CTSS: variants seen among roughly 807,000 people sequenced by gnomAD.
CTSS encodes cathepsin S.
CTSS carries 15 observed loss-of-function variants against 39.9 expected under a neutral mutation model. The ratio of observed to expected loss-of-function variants is 0.38; its 90% CI spans 0.25 to 0.58. CTSS has a LOEUF of 0.58. CTSS is among the 20% of genes least tolerant of loss of function. The probability of loss-of-function intolerance (pLI) is 0.70; values close to 1 mark genes in which losing one functional copy is unlikely to be tolerated. For missense variants in CTSS, 250 were observed against 398.2 expected, an observed-to-expected ratio of 0.63 and a Z score of 3.17; for synonymous variants, 126 against 138.2, an observed-to-expected ratio of 0.91 and a Z score of 0.62.
chr1:150,748,801 T>TA (rs1652946651), intron 6 of CTSS, among the ~76,000 whole-genome samples: 1 of 152,226 alleles, frequency 6.6e-6, no homozygotes, highest in South Asian at 2.1e-4. Flanking sequence ...ATTCAGCAAG[T>TA]CTATTGGTAC....
chr1:150,755,071 T>C lies in CTSS; in HGVS notation c.329A>G (p.Asn110Ser). Residue 110 changes from asparagine (N) to serine (S), a missense_variant, in exon 4 of 8, where the codon AAC becomes AGC. Physicochemically the swap from Asn to Ser is conservative, Grantham distance 46 (BLOSUM62 1). Coordinates refer to ENST00000368985, the MANE Select transcript of CTSS (RefSeq NM_004079.5). ...QWQRNITYKS[N>S]PNRILPDSVD... Reference sequence around the variant, plus strand: ...AGAATCAGGCAATATCCGATTAGGGTTTGACTTATATGTGATATTTCTCTG... The same window carrying C: ...AGAATCAGGCAATATCCGATTAGGGCTTGACTTATATGTGATATTTCTCTG... 6.2e-7 allele frequency: 1 copy of C among 1,614,118 alleles called. No individual in the cohort carries two copies.
rs202210804 is a variant in CTSS at position 150,760,241 on chromosome 1, A to C, written c.127-2261T>G. ...GGTGTGGGTGAGGGTGAAATTCATC[A>C]CCACCAACGAAACCGTATGATCATT... is the stretch of plus-strand genomic sequence containing the variant. On this transcript the variant is annotated intron_variant, in intron 2 of 7. Coordinates refer to ENST00000368985, the MANE Select transcript of CTSS (RefSeq NM_004079.5). 1.4e-4 allele frequency among the ~76,000 whole-genome samples: 21 copies of C among 152,320 alleles called. No homozygotes were observed. The East Asian group carries it at 4.0e-3, about 29-fold the overall frequency.
At chr1:150,749,923 A>G (rs1652975469) in intron 6 of CTSS, 83 bp downstream of exon 6, 2 of 1,233,334 alleles carry the variant, frequency 1.6e-6, no homozygotes, top group East Asian at 2.6e-5. Flanking sequence ...CAAAGCTAGA[A>G]TTACAGGCAT....
At chr1:150,737,298 C>T (rs1652656837) in intron 7 of CTSS, among the ~76,000 whole-genome samples, 1 of 152,114 alleles carries the variant, frequency 6.6e-6, no homozygotes, top group Admixed American at 6.6e-5. Flanking sequence ...GATGGAGTGT[C>T]TCCATGTTGG....
At chr1:150,759,363 C>T (rs772814953) in intron 2 of CTSS, among the ~76,000 whole-genome samples, 20 of 152,084 alleles carry the variant, frequency 1.3e-4, no homozygotes, top group Non-Finnish European at 2.2e-4. Context: ...TTCAGAAACT[C>T]CTATCCGAAG....
chr1:150,751,524 A>G (rs1653006722), intron 5 of CTSS, among the ~76,000 whole-genome samples: 1 of 152,210 alleles, frequency 6.6e-6, no homozygotes, highest in Non-Finnish European at 1.5e-5. Context: ...CTGAGATTAT[A>G]GGTATGAGCC....
intron 7 of CTSS, among the ~76,000 whole-genome samples, chr1:150,739,662 TCAACAA>T (rs10556231): frequency 8.6e-4 from 129 of 149,346 alleles, no homozygotes; most frequent in South Asian, 1.9e-3. Context: ...GAGACCTGTC[TCAACAA>T]CAACAACAAC....
At chr1:150,754,617 G>A (rs867078191) in intron 4 of CTSS, among the ~76,000 whole-genome samples, 5 of 152,102 alleles carry the variant, frequency 3.3e-5, no homozygotes, top group Middle Eastern at 3.4e-3. Context: ...TAGTAGAGAC[G>A]GGGTTTCATC....
intron 7 of CTSS, among the ~76,000 whole-genome samples, chr1:150,740,278 A>G (rs938460648): frequency 3.9e-5 from 6 of 152,234 alleles, no homozygotes; most frequent in African/African-American, 1.4e-4. Context: ...TAGAGAAACA[A>G]TTCTAAGTGA....
chr1:150,754,999 A>G lies in CTSS; in HGVS notation c.399+2T>C. On this transcript the variant is annotated splice_donor_variant, in intron 4 of 7. Transcript: ENST00000368985. LOFTEE classifies it high-confidence loss of function. Reference sequence around the variant, plus strand: ...TCAGAGGCTTGGGATGGTAATACTCACTTGATATTTCACTTCAGTAACACA... The same window carrying G: ...TCAGAGGCTTGGGATGGTAATACTCGCTTGATATTTCACTTCAGTAACACA... 6.2e-7 allele frequency: 1 copy of G among 1,613,392 alleles called. No individual in the cohort carries two copies. Among genetic ancestry groups the G allele is most frequent in the Non-Finnish European group, 8.5e-7 (1 of 1,179,560 alleles).
At chr1:150,764,453 G>C (rs1212397090) in intron 2 of CTSS, among the ~76,000 whole-genome samples, 185 bp downstream of exon 2, 1 of 152,044 alleles carries the variant, frequency 6.6e-6, no homozygotes, top group South Asian at 2.1e-4. Flanking sequence ...GGCTAGGCTG[G>C]TCTCGAACTC....
intron 7 of CTSS, among the ~76,000 whole-genome samples, chr1:150,745,717 T>C (rs1652880442): frequency 6.6e-6 from 1 of 151,814 alleles, no homozygotes; most frequent in African/African-American, 2.4e-5. Flanking sequence ...ACAGGGAGAA[T>C]GTCATGTGAA....
Position 150,765,494 on chromosome 1 carries a change from GA to G in CTSS, c.-2+203del, listed in dbSNP as rs587757474. Among the ~76,000 whole-genome samples, 540 of 152,198 alleles carry G rather than the reference GA, an allele frequency of 3.5e-3. 1 individual carries two copies. The highest frequency in any genetic ancestry group is 6.8e-3 in the Middle Eastern group (2 of 294). The stretch of plus-strand genomic sequence containing the variant: ...GTAAGCCTTTAAATTATATTCCAAA[GA>G]AAGCCATGTTTCAGTCTCAACTTAG... On this transcript the variant is annotated intron_variant, in intron 1 of 7. Coordinates refer to ENST00000368985, the MANE Select transcript of CTSS (RefSeq NM_004079.5).
At chr1:150,750,901 C>G (rs191930216) in intron 5 of CTSS, among the ~76,000 whole-genome samples, 555 of 152,218 alleles carry the variant, frequency 3.6e-3, no homozygotes, top group Middle Eastern at 0.01. Context: ...CTCGACCTCC[C>G]AAAGTGCTGA....
chr1:150,733,825 A>G (rs1300869548), intron 7 of CTSS, among the ~76,000 whole-genome samples: 1 of 152,136 alleles, frequency 6.6e-6, no homozygotes, highest in African/African-American at 2.4e-5. Context: ...TTAATTAGCC[A>G]GGCATGGTGG....
intron 7 of CTSS, among the ~76,000 whole-genome samples, chr1:150,747,111 A>G (rs2101916940): frequency 6.6e-6 from 1 of 152,316 alleles, no homozygotes; most frequent in African/African-American, 2.4e-5. Flanking sequence ...TCAAGGACAT[A>G]GATAAGGTAA....
At chr1:150,754,959 A>G (rs776471727) in intron 4 of CTSS, 42 bp downstream of exon 4, 5 of 1,574,704 alleles carry the variant, frequency 3.2e-6, no homozygotes. Flanking sequence ...GCATTTAAAG[A>G]GCTCTACCTA....
At chr1:150,755,695 G>A (rs773208458) in intron 3 of CTSS, among the ~76,000 whole-genome samples, 3 of 151,656 alleles carry the variant, frequency 2.0e-5, no homozygotes, top group Admixed American at 6.6e-5. Flanking sequence ...AGCTGAGATC[G>A]CGCCAGTGCA....
chr1:150,758,052 AAT>A, intron 2 of CTSS, 72 bp from the exon 3 acceptor site: 1 of 1,477,766 alleles, frequency 6.8e-7, no homozygotes, highest in Non-Finnish European at 9.1e-7. Context: ...TGAAAATGGC[AAT>A]TTTTTTTTTT....
Sources: allele counts gnomAD v4.1 joint callset (sites outside exome capture counted in the v4.1 genomes callset), GRCh38; gene constraint gnomAD v4.1.1; transcripts MANE v1.5; gene names NCBI Gene and HGNC (gene_info 2026-07-23, HGNC 2026-07-21).